DCC: variants seen among roughly 807,000 people sequenced by gnomAD.
DCC encodes DCC netrin 1 receptor.
A neutral mutation model predicts 172.5 loss-of-function variants in DCC; 58 were observed. That is an observed-to-expected ratio of 0.34 (90% CI 0.27 to 0.42). The LOEUF (loss-of-function observed/expected upper bound fraction) is 0.42, where lower values mean the gene tolerates loss of function less well. Among genes scored for constraint, DCC ranks in the 10% least tolerant of loss-of-function variants. The probability of loss-of-function intolerance (pLI) is 1.00; values close to 1 mark genes in which losing one functional copy is unlikely to be tolerated. For synonymous variants in DCC, 709 were observed against 644.5 expected (o/e 1.10, Z -1.52); for missense variants, 1,740 against 1,791.0 (o/e 0.97, Z 0.51).
chr18:53,071,706 T>G (rs1303387750), intron 7 of DCC, among the ~76,000 whole-genome samples: 2 of 152,190 alleles, frequency 1.3e-5, no homozygotes, highest in Non-Finnish European at 2.9e-5. Context: ...AGAGTTTTAT[T>G]GTTGTTTGTT....
intron 1 of DCC, among the ~76,000 whole-genome samples, chr18:52,742,323 C>T (rs1047201433): frequency 6.6e-6 from 1 of 152,186 alleles, no homozygotes; most frequent in Non-Finnish European, 1.5e-5. Context: ...CTTCCTTTCC[C>T]TCTTGATTTT....
intron 12 of DCC, among the ~76,000 whole-genome samples, chr18:53,296,893 C>A (rs1332855067): frequency 6.6e-6 from 1 of 152,112 alleles, no homozygotes; most frequent in Non-Finnish European, 1.5e-5. Flanking sequence ...TCAGAGTGCC[C>A]TTCATAGCTT....
At chr18:52,768,025 G>A (rs1839369349) in intron 2 of DCC, among the ~76,000 whole-genome samples, 1 of 152,196 alleles carries the variant, frequency 6.6e-6, no homozygotes. Context: ...CAGTTTGGAG[G>A]AGGAAAGCAA....
chr18:53,435,120 G>A (rs1205146579), intron 21 of DCC, 24 bp from the exon 22 acceptor site: 1 of 1,569,290 alleles, frequency 6.4e-7, no homozygotes, highest in Non-Finnish European at 8.8e-7. Flanking sequence ...TACTGACATT[G>A]TGACATGCTC....
chr18:53,058,255 T>C (rs758465636), intron 5 of DCC, among the ~76,000 whole-genome samples: 1 of 152,108 alleles, frequency 6.6e-6, no homozygotes, highest in Non-Finnish European at 1.5e-5. Flanking sequence ...TTTAAGTAGA[T>C]TAAATGATTT....
intron 12 of DCC, among the ~76,000 whole-genome samples, chr18:53,237,453 A>C (rs1056917367): frequency 1.3e-5 from 2 of 152,166 alleles, no homozygotes; most frequent in African/African-American, 4.8e-5. Context: ...TAATTTGTTC[A>C]AAATATTTAA....
chr18:52,478,696 G>A (rs900541695), intron 1 of DCC, among the ~76,000 whole-genome samples: 1 of 152,204 alleles, frequency 6.6e-6, no homozygotes. Context: ...CATAGCCACA[G>A]CAGGAGCAGG....
chr18:53,341,693 ACTG>A (rs1435752311), intron 15 of DCC, among the ~76,000 whole-genome samples: 10 of 152,172 alleles, frequency 6.6e-5, no homozygotes, highest in African/African-American at 1.4e-4. Flanking sequence ...ATGCAAATGA[ACTG>A]CTATTTTTCC....
chr18:53,412,709 C>T (rs1051348507), intron 20 of DCC, among the ~76,000 whole-genome samples: 13 of 152,176 alleles, frequency 8.5e-5, no homozygotes, highest in Non-Finnish European at 1.5e-4. Flanking sequence ...TGTCCACGAA[C>T]GTCATTCCTT....
intron 1 of DCC, among the ~76,000 whole-genome samples, chr18:52,643,666 C>A (rs1010291823): frequency 6.6e-6 from 1 of 152,178 alleles, no homozygotes; most frequent in Admixed American, 6.5e-5. Flanking sequence ...CCATGGCCCA[C>A]ATTCCACACT....
chr18:53,529,034 TCTCTCACACACACACA>T (rs1361004363), intron 28 of DCC, among the ~76,000 whole-genome samples: 4 of 64,382 alleles, frequency 6.2e-5, no homozygotes, highest in African/African-American at 2.1e-4. Context: ...TCTCTCTCTC[TCTCTCACACACACACA>T]CACACACACA....
chr18:52,808,833 C>G (rs914612298), intron 2 of DCC, among the ~76,000 whole-genome samples: 1 of 152,184 alleles, frequency 6.6e-6, no homozygotes, highest in Non-Finnish European at 1.5e-5. Context: ...TTCTTACTTT[C>G]CTCTCATGTT....
At chr18:53,235,316 A>G (rs1268365368) in intron 12 of DCC, among the ~76,000 whole-genome samples, 1 of 152,170 alleles carries the variant, frequency 6.6e-6, no homozygotes, top group Non-Finnish European at 1.5e-5. Context: ...CATTATTTCC[A>G]TGGAAGCCTG....
In DCC at chr18:53,435,357, AAAAAAC is replaced by A. The variant is rs201519783; in HGVS notation, c.3229+166_3229+171del. On this transcript the variant is annotated intron_variant, in intron 22 of 28. Coordinates refer to ENST00000442544, the MANE Select transcript of DCC (RefSeq NM_005215.4). ...GGGATAATAGAAACATGAAGTTATT[AAAAAAC>A]AAAAACAAAAACAAAAAAAACAAAA... 726 of 609,318 alleles carry A rather than the reference AAAAAAC, an allele frequency of 1.2e-3. 4 individuals are homozygous for A. In the African/African-American group the frequency reaches 0.012, roughly 10 times the overall value. 37.7% of individuals were successfully genotyped at this position (609,318 alleles called of 1,614,324 possible). A position where few individuals can be genotyped will look rare whatever the true frequency, so the allele number is the denominator to read the frequency against.
chr18:53,079,134 G>C (rs1156870199), intron 7 of DCC, among the ~76,000 whole-genome samples: 1 of 152,024 alleles, frequency 6.6e-6, no homozygotes. Flanking sequence ...GGGAATAAAA[G>C]TACTATGTAG....
intron 9 of DCC, among the ~76,000 whole-genome samples, chr18:53,196,665 A>G (rs866072167): frequency 6.6e-6 from 1 of 152,162 alleles, no homozygotes; most frequent in Non-Finnish European, 1.5e-5. Flanking sequence ...GATTACATCC[A>G]TCATCTATAT....
chr18:53,030,774 C>A (rs1350066977), intron 5 of DCC, among the ~76,000 whole-genome samples: 2 of 152,184 alleles, frequency 1.3e-5, no homozygotes, highest in East Asian at 3.9e-4. Context: ...CCTCACTTCA[C>A]TGGGGCCTAG....
chr18:52,493,787 T>G (rs1342889158), intron 1 of DCC, among the ~76,000 whole-genome samples: 1 of 152,108 alleles, frequency 6.6e-6, no homozygotes, highest in Non-Finnish European at 1.5e-5. Flanking sequence ...TTGAAATTAT[T>G]ACTGTCAGTA....
chr18:52,980,553 T>C (rs932863986), intron 5 of DCC, among the ~76,000 whole-genome samples: 3 of 152,176 alleles, frequency 2.0e-5, no homozygotes, highest in Admixed American at 6.6e-5. Flanking sequence ...AGAAATAGAT[T>C]ACAGTTCAAC....
Sources: gnomAD v4.1 joint callset for allele counts (sites outside exome capture counted in the v4.1 genomes callset) on GRCh38, gnomAD v4.1.1 for gene constraint, MANE v1.5 for transcripts, NCBI Gene and HGNC (gene_info 2026-07-23, HGNC 2026-07-21) for gene names.